Variants in CRYBG1 observed in about 807,000 individuals in gnomAD.
CRYBG1 encodes beta/gamma crystallin domain-containing protein 1.
Under a neutral mutation model 189.2 loss-of-function variants are expected in CRYBG1, and 139 were observed. The observed-to-expected ratio is 0.73, with a 90% CI of 0.64 to 0.85. The LOEUF (loss-of-function observed/expected upper bound fraction) is 0.85. Ranked by LOEUF, CRYBG1 falls within the 40% of genes least tolerant of loss-of-function variation. CRYBG1 has a pLI of 0.00. For missense variants in CRYBG1, 2,611 were observed against 2,675.8 expected, an observed-to-expected ratio of 0.98 and a Z score of 0.53; for synonymous variants, 1,023 against 1,017.1, an observed-to-expected ratio of 1.01 and a Z score of -0.11.
intron 1 of CRYBG1, among the ~76,000 whole-genome samples, chr6:106,407,350 T>C (rs1368415833): frequency 6.6e-6 from 1 of 152,126 alleles, no homozygotes; most frequent in African/African-American, 2.4e-5. Flanking sequence ...CCTAAATATA[T>C]ATGCACCCAA....
At chr6:106,377,479 C>T (rs1288740666) in intron 1 of CRYBG1, among the ~76,000 whole-genome samples, 1 of 152,062 alleles carries the variant, frequency 6.6e-6, no homozygotes, top group Non-Finnish European at 1.5e-5. Context: ...TAATACTTCA[C>T]AGGCCTTTTA....
At chr6:106,439,214 A>G (rs1214543970) in intron 1 of CRYBG1, among the ~76,000 whole-genome samples, 15 of 152,282 alleles carry the variant, frequency 9.9e-5, no homozygotes, top group Admixed American at 9.1e-4. Flanking sequence ...AAAGCTGGGA[A>G]AAATACCAAT....
At chr6:106,488,922 T>C (rs1013424227) in intron 2 of CRYBG1, among the ~76,000 whole-genome samples, 2 of 152,148 alleles carry the variant, frequency 1.3e-5, no homozygotes, top group African/African-American at 2.4e-5. Flanking sequence ...TGTTGTGCTG[T>C]AGTGGCTTAG....
At chr6:106,542,977 C>CATTTTATTTT (rs201220565) in intron 10 of CRYBG1, among the ~76,000 whole-genome samples, 2 of 148,008 alleles carry the variant, frequency 1.4e-5, no homozygotes, top group African/African-American at 5.0e-5. Flanking sequence ...ATGATTAGAA[C>CATTTTATTTT]ATTTTATTTT....
rs555029463 is a variant in CRYBG1 at position 106,451,937 on chromosome 6, A to T, written c.312+105A>T. On this transcript the variant is annotated intron_variant, in intron 2 of 21. Transcript: ENST00000633556. ...GAAACACATACTTAAAAGTAATGGT[A>T]TATATTGTATATCATAAATTATATA... The T allele has an allele frequency of 4.0e-6, 3 of 741,246 alleles. No individual in the cohort carries two copies. In the African/African-American group the frequency reaches 5.5e-5, roughly 14 times the overall value. 45.9% of individuals were successfully genotyped at this position (741,246 alleles called of 1,614,324 possible).
At chr6:106,395,012 C>T (rs767113281) in intron 1 of CRYBG1, among the ~76,000 whole-genome samples, 2 of 151,580 alleles carry the variant, frequency 1.3e-5, no homozygotes, top group Non-Finnish European at 2.9e-5. Flanking sequence ...TAAGCCACCA[C>T]ACCTGGAAAT....
intron 1 of CRYBG1, among the ~76,000 whole-genome samples, chr6:106,365,987 A>G (rs1199509167): frequency 6.6e-6 from 1 of 152,202 alleles, no homozygotes; most frequent in Non-Finnish European, 1.5e-5. Context: ...TCCCTTCTAT[A>G]AAGAGAAAAC....
chr6:106,502,032 C>G (rs1773022596), intron 2 of CRYBG1, among the ~76,000 whole-genome samples: 2 of 152,146 alleles, frequency 1.3e-5, no homozygotes, highest in African/African-American at 2.4e-5. Flanking sequence ...TCTTCTGGGT[C>G]CCAGTCAGCC....
chr6:106,377,975 G>A (rs1343860123), intron 1 of CRYBG1, among the ~76,000 whole-genome samples: 1 of 152,096 alleles, frequency 6.6e-6, no homozygotes, highest in African/African-American at 2.4e-5. Context: ...TAAATTCTTT[G>A]TGCTTCAGGG....
chr6:106,503,477 A>G (rs754456711), intron 2 of CRYBG1, among the ~76,000 whole-genome samples: 2 of 152,168 alleles, frequency 1.3e-5, no homozygotes, highest in Non-Finnish European at 2.9e-5. Flanking sequence ...GTAAAGTCTT[A>G]TTTTTCTAAT....
At chr6:106,463,378 A>G (rs139034272) in intron 2 of CRYBG1, among the ~76,000 whole-genome samples, 1 of 152,122 alleles carries the variant, frequency 6.6e-6, no homozygotes, top group Admixed American at 6.6e-5. Context: ...TGTTTTGCAC[A>G]TGATGCCTTT....
At chr6:106,444,104 A>T (rs1410348606) in intron 1 of CRYBG1, among the ~76,000 whole-genome samples, 1 of 152,140 alleles carries the variant, frequency 6.6e-6, no homozygotes, top group Non-Finnish European at 1.5e-5. Context: ...CCTCTTTTGC[A>T]TTATTAATTT....
intron 13 of CRYBG1, among the ~76,000 whole-genome samples, chr6:106,546,636 G>T (rs936225398): frequency 4.6e-5 from 7 of 152,202 alleles, no homozygotes; most frequent in Non-Finnish European, 1.0e-4. Flanking sequence ...TCCATTCTCA[G>T]CAGGAAATGC....
chr6:106,491,400 CTA>C (rs1056635689), intron 2 of CRYBG1, among the ~76,000 whole-genome samples: 11 of 152,176 alleles, frequency 7.2e-5, no homozygotes, highest in African/African-American at 2.7e-4. Context: ...TTGTGATCTA[CTA>C]TGAGACTGAC....
At chr6:106,549,302 G>A (rs1040080616) in intron 13 of CRYBG1, among the ~76,000 whole-genome samples, 3 of 152,132 alleles carry the variant, frequency 2.0e-5, no homozygotes, top group Non-Finnish European at 2.9e-5. Context: ...GGTCAGCCCG[G>A]GGACCTTGGC....
chr6:106,525,043 TG>T, intron 4 of CRYBG1, 89 bp from the exon 5 acceptor site: 1 of 1,298,466 alleles, frequency 7.7e-7, no homozygotes, highest in Admixed American at 1.8e-5. Flanking sequence ...GTGGGAAAAG[TG>T]TGATCTACCT....
chr6:106,442,317 C>T (rs1051761374), intron 1 of CRYBG1, among the ~76,000 whole-genome samples: 1 of 152,246 alleles, frequency 6.6e-6, no homozygotes, highest in African/African-American at 2.4e-5. Flanking sequence ...GAAGGATTAA[C>T]TAAGGCAGAC....
rs140268584 is a variant in CRYBG1 at position 106,375,013 on chromosome 6, G to A, written c.173+13932G>A. ...GTTTTTATTTTGAATGACATATTGA[G>A]GTGGGGGGGGCATAACCTTTTTGAT... On this transcript the variant is annotated intron_variant, in intron 1 of 21. Transcript: ENST00000633556. 2.1e-3 allele frequency among the ~76,000 whole-genome samples: 323 copies of A among 152,184 alleles called. 2 individuals are homozygous for A. Among genetic ancestry groups the A allele is most frequent in the African/African-American group, 7.7e-3 (318 of 41,520 alleles).
intron 8 of CRYBG1, among the ~76,000 whole-genome samples, chr6:106,530,930 T>C (rs79234509): frequency 6.6e-6 from 1 of 152,244 alleles, no homozygotes; most frequent in Admixed American, 6.5e-5. Context: ...ACACTAAAGC[T>C]TCTTTCTATT....
Sources: gnomAD v4.1 joint callset for allele counts (sites outside exome capture counted in the v4.1 genomes callset) on GRCh38, gnomAD v4.1.1 for gene constraint, MANE v1.5 for transcripts, NCBI Gene and HGNC (gene_info 2026-07-23, HGNC 2026-07-21) for gene names.